RAB33A: variants seen among roughly 807,000 people sequenced by gnomAD.
RAB33A encodes the protein RAB33A, member RAS oncogene family, also known as ras-related protein Rab-33A.
In RAB33A, 6 loss-of-function variants were observed where a neutral mutation model predicts 12.0. The ratio of observed to expected loss-of-function variants is 0.50; its 90% CI spans 0.27 to 0.99. RAB33A has a LOEUF of 0.99. Among genes scored for constraint, RAB33A ranks in the 50% least tolerant of loss-of-function variants. The probability of loss-of-function intolerance (pLI) is 0.11; values close to 1 mark genes in which losing one functional copy is unlikely to be tolerated. For synonymous variants in RAB33A, 70 were observed against 82.4 expected, an observed-to-expected ratio of 0.85 and a Z score of 0.81; for missense variants, 109 against 192.0, an observed-to-expected ratio of 0.57 and a Z score of 2.55.
chrX:130,184,822 C>T lies in RAB33A; in HGVS notation c.*82C>T, dbSNP rs892304638. 12 of 846,766 alleles carry T rather than the reference C, an allele frequency of 1.4e-5. No individual in the cohort carries two copies. In the East Asian group the frequency reaches 4.0e-4, roughly 28 times the overall value. The allele number at this position is 846,766 out of a possible 1,213,427, so 69.8% of individuals were successfully genotyped here. On this transcript the variant is annotated 3_prime_UTR_variant, in exon 2 of 2. Coordinates refer to ENST00000257017, the MANE Select transcript of RAB33A (RefSeq NM_004794.3). ...TTCTGTGCCTGCATAATGCTGACAC[C>T]TGCTTGTTTCCATACAAATTGATAT...
chrX:130,127,984 G>A, the RAB33A span, among the ~76,000 whole-genome samples: 6 of 111,077 alleles, frequency 5.4e-5, no homozygotes, highest in African/African-American at 6.5e-5. Context: ...GCCACTGTGC[G>A]CAACCCTAGA....
the RAB33A span, chrX:130,155,365 A>T: frequency 1.8e-6 from 2 of 1,126,541 alleles, no homozygotes; most frequent in South Asian, 3.7e-5. Context: ...TTCAATACAA[A>T]GGCAGAGAAG....
At chrX:130,141,458 TACA>T in the RAB33A span, among the ~76,000 whole-genome samples, 7 of 112,131 alleles carry the variant, frequency 6.2e-5, no homozygotes, top group East Asian at 2.0e-3. Context: ...CTCCTACATC[TACA>T]ACATTTTTAC....
the RAB33A span, chrX:130,136,514 A>C: frequency 1.6e-6 from 1 of 644,032 alleles, no homozygotes; most frequent in Non-Finnish European, 2.5e-6. Flanking sequence ...GTTAATTCGG[A>C]AAATTATATC....
chrX:130,159,340 T>A, the RAB33A span, among the ~76,000 whole-genome samples: 2 of 112,467 alleles, frequency 1.8e-5, no homozygotes, highest in South Asian at 7.2e-4. Context: ...GAACTCTTCA[T>A]CACCACATGA....
At chrX:130,150,977 C>CAATAAAAAAAA in the RAB33A span, among the ~76,000 whole-genome samples, 1 of 27,811 alleles carries the variant, frequency 3.6e-5, no homozygotes. Flanking sequence ...GACTCTGTCT[C>CAATAAAAAAAA]AAAAAAAAAA....
intron 1 of RAB33A, among the ~76,000 whole-genome samples, chrX:130,178,486 G>A (rs1036526774): frequency 1.5e-4 from 16 of 109,154 alleles, no homozygotes; most frequent in African/African-American, 1.3e-4. Flanking sequence ...AAAATTAGCC[G>A]GGTGTGGTGG....
chrX:130,147,690 C>A, the RAB33A span: 2 of 1,210,658 alleles, frequency 1.7e-6, no homozygotes, highest in Non-Finnish European at 2.2e-6. Flanking sequence ...TCAAAGCATT[C>A]ACATTAGCTA....
chrX:130,178,271 T>C (rs1195542513), intron 1 of RAB33A, among the ~76,000 whole-genome samples: 8 of 109,746 alleles, frequency 7.3e-5, no homozygotes, highest in African/African-American at 2.3e-4. Context: ...TGAGCCATGA[T>C]TGCACTGCTG....
At chrX:130,152,374 T>C in the RAB33A span, among the ~76,000 whole-genome samples, 157 of 111,578 alleles carry the variant, frequency 1.4e-3, 5 homozygotes, top group Middle Eastern at 4.6e-3. Context: ...AATGTATTTA[T>C]TTCTTTACCT....
At chrX:130,129,177 G>A in the RAB33A span, among the ~76,000 whole-genome samples, 53 of 111,481 alleles carry the variant, frequency 4.8e-4, no homozygotes, top group Middle Eastern at 4.7e-3. Flanking sequence ...GCCACAGCAG[G>A]TGTGTGCAAA....
chrX:130,137,294 G>A, the RAB33A span: 1 of 1,194,008 alleles, frequency 8.4e-7, no homozygotes, highest in African/African-American at 1.8e-5. Context: ...ACAGGGCAGA[G>A]CTGCAATCCA....
chrX:130,118,201 G>A, the RAB33A span, among the ~76,000 whole-genome samples: 1 of 112,643 alleles, frequency 8.9e-6, no homozygotes, highest in East Asian at 2.8e-4. Context: ...GAGGGCACTT[G>A]GAGAGGAGAG....
At chrX:130,182,139 CAAAAAAA>C (rs1188540923) in intron 1 of RAB33A, among the ~76,000 whole-genome samples, 3 of 30,505 alleles carry the variant, frequency 9.8e-5, no homozygotes, top group African/African-American at 4.3e-4. Context: ...TCTGTCTCTA[CAAAAAAA>C]AAAAAAAAAA....
chrX:130,133,179 G>T, the RAB33A span: 1 of 805,096 alleles, frequency 1.2e-6, no homozygotes, highest in Non-Finnish European at 1.9e-6. Context: ...TAGAATGTGT[G>T]GACATAAGAT....
At chrX:130,142,359 C>T in the RAB33A span, among the ~76,000 whole-genome samples, 1 of 111,125 alleles carries the variant, frequency 9.0e-6, no homozygotes, top group Non-Finnish European at 1.9e-5. Flanking sequence ...AATCCAATCC[C>T]GCTACTCAAC....
At chrX:130,137,336 T>C in the RAB33A span, 1 of 1,165,237 alleles carries the variant, frequency 8.6e-7, no homozygotes, top group South Asian at 1.9e-5. Context: ...ACAGTGGGCA[T>C]GAGGGCCTCG....
chrX:130,142,213 T>C, the RAB33A span, among the ~76,000 whole-genome samples: 2 of 111,845 alleles, frequency 1.8e-5, no homozygotes, highest in African/African-American at 6.5e-5. Context: ...CAGGTAGCGC[T>C]GGGAACATAT....
At chrX:130,176,252 G>C (rs2031662770) in intron 1 of RAB33A, among the ~76,000 whole-genome samples, 1 of 112,127 alleles carries the variant, frequency 8.9e-6, no homozygotes, top group Non-Finnish European at 1.9e-5. Flanking sequence ...TAAATGCATT[G>C]GAAAATGCCG....
Sources: gnomAD v4.1 joint callset for allele counts (sites outside exome capture counted in the v4.1 genomes callset) on GRCh38, gnomAD v4.1.1 for gene constraint, MANE v1.5 for transcripts, NCBI Gene and HGNC (gene_info 2026-07-23, HGNC 2026-07-21) for gene names.